LACTB2: variants seen among roughly 807,000 people sequenced by gnomAD.
LACTB2 encodes the protein lactamase beta 2.
A neutral mutation model predicts 34.8 loss-of-function variants in LACTB2; 32 were observed. The observed-to-expected ratio is 0.92, with a 90% CI of 0.69 to 1.24. LACTB2 has a LOEUF of 1.24. LACTB2 is among the 50% of genes most tolerant of loss of function. LACTB2 has a pLI of 0.00. For synonymous variants in LACTB2, 120 were observed against 117.5 expected (o/e 1.02, Z -0.14); for missense variants, 320 against 345.0 (o/e 0.93, Z 0.57).
chr8:70,639,193 CTT>C (rs1394800146), intron 5 of LACTB2, among the ~76,000 whole-genome samples: 18 of 151,620 alleles, frequency 1.2e-4, no homozygotes. Context: ...GAGTTTCACT[CTT>C]GTCACCTAGG....
chr8:70,663,020 T>C (rs1048486214), intron 1 of LACTB2: 4 of 152,220 alleles, frequency 2.6e-5, no homozygotes, highest in Non-Finnish European at 5.9e-5. Flanking sequence ...TCTTCACTCA[T>C]ACTGTTTCAC....
chr8:70,642,558 A>T (rs1818213092), intron 4 of LACTB2, among the ~76,000 whole-genome samples: 2 of 136,228 alleles, frequency 1.5e-5, no homozygotes. Context: ...ATCTCTGCTC[A>T]CTACAACCTC....
intron 1 of LACTB2, among the ~76,000 whole-genome samples, chr8:70,663,746 G>A (rs1586791089): frequency 6.6e-6 from 1 of 152,318 alleles, no homozygotes; most frequent in Admixed American, 6.5e-5. Flanking sequence ...ACTCGGGTCA[G>A]AGTGAGTTCT....
intron 1 of LACTB2, among the ~76,000 whole-genome samples, chr8:70,668,172 C>A (rs1362309516): frequency 3.3e-5 from 5 of 152,150 alleles, no homozygotes; most frequent in African/African-American, 1.2e-4. Flanking sequence ...CTTACTAAAT[C>A]GTTTTTAGTA....
rs767793256 is a variant in LACTB2, at chr8:70,644,141, C to T, written c.516G>A (p.Thr172=). The change falls in exon 4 of 7, where the codon ACG becomes ACA. Residue 172 remains threonine, a synonymous_variant. Coordinates refer to ENST00000276590, the MANE Select transcript of LACTB2 (RefSeq NM_016027.3). ...SGDCILGEGT[T]VFEDLYDYMN... is the part of the protein sequence containing the mutation. The stretch of plus-strand genomic sequence containing the variant: ...TATAATCATAGAGGTCTTCAAATAC[C>T]GTTGTTCCTTCCCCTAGGATGCAAT... 9.9e-6 allele frequency: 16 copies of T among 1,612,600 alleles called. No individual in the cohort carries two copies. Among genetic ancestry groups the T allele is most frequent in the African/African-American group, 5.3e-5 (4 of 74,840 alleles).
intron 3 of LACTB2, among the ~76,000 whole-genome samples, chr8:70,656,416 C>T (rs999584580): frequency 9.2e-5 from 14 of 152,140 alleles, no homozygotes; most frequent in African/African-American, 2.7e-4. Flanking sequence ...CCAATTATCC[C>T]GCCACCATTT....
intron 2 of LACTB2, chr8:70,660,998 T>C (rs1051768378): frequency 7.3e-5 from 33 of 452,032 alleles, no homozygotes; most frequent in African/African-American, 6.2e-4. Context: ...CAAGCTGGTC[T>C]TGAACTCCTG....
rs990900411 is a variant in LACTB2, at chr8:70,668,748, G to GTTTTTTTTTT, written c.122+241_122+250dup. On this transcript the variant is annotated intron_variant, in intron 1 of 6. Transcript: ENST00000276590. ...CAGTAAATCGGGTTTCAAAACAGAA[G>GTTTTTTTTTT]TTTTTTTTTTTTTTTTTTTTTTTTT... 3.0e-4 allele frequency among the ~76,000 whole-genome samples: 31 copies of GTTTTTTTTTT among 103,694 alleles called. 1 individual carries two copies. The highest frequency in any genetic ancestry group is 7.5e-4 in the African/African-American group (18 of 23,890). 68.0% of individuals were successfully genotyped at this position (103,694 alleles called of 152,430 possible). A position where few individuals can be genotyped will look rare whatever the true frequency, so the allele number is the denominator to read the frequency against.
chr8:70,663,980 A>G (rs1191673722), intron 1 of LACTB2, among the ~76,000 whole-genome samples: 1 of 152,200 alleles, frequency 6.6e-6, no homozygotes, highest in Non-Finnish European at 1.5e-5. Context: ...AGCATTGTGC[A>G]TATTTAGTTA....
chr8:70,644,077 T>C lies in LACTB2; in HGVS notation c.580A>G (p.Ile194Val). 2 of 1,568,698 alleles carry C rather than the reference T, an allele frequency of 1.3e-6. No individual in the cohort carries two copies. Among genetic ancestry groups the C allele is most frequent in the Non-Finnish European group, 1.7e-6 (2 of 1,160,796 alleles). Reference sequence around the variant, plus strand: ...AAAAATTACCCACCTGGATATATAATATCAGCTTTGATTTTCAATAACTCT... The same window carrying C: ...AAAAATTACCCACCTGGATATATAACATCAGCTTTGATTTTCAATAACTCT... ...LKELLKIKAD[I>V]IYPGHGPVIH... The change falls in exon 4 of 7, where the codon ATT becomes GTT. Residue 194 changes from isoleucine to valine, a missense_variant. Ile to Val is a conservative substitution (Grantham distance 29, BLOSUM62 3). Transcript: ENST00000276590.
intron 3 of LACTB2, among the ~76,000 whole-genome samples, chr8:70,656,100 T>TATGGG (rs1305170833): frequency 6.6e-6 from 1 of 152,222 alleles, no homozygotes; most frequent in Non-Finnish European, 1.5e-5. Flanking sequence ...GTCAGATGTA[T>TATGGG]AGATTATGAA....
intron 1 of LACTB2, 28 bp downstream of exon 1, chr8:70,668,971 G>A (rs556999197): frequency 4.5e-6 from 7 of 1,564,150 alleles, no homozygotes; most frequent in Middle Eastern, 1.9e-4. Flanking sequence ...GGCTGCGAAC[G>A]TTGGGGAGGT....
At chr8:70,642,338 C>T (rs1006223710) in intron 4 of LACTB2, among the ~76,000 whole-genome samples, 1 of 152,106 alleles carries the variant, frequency 6.6e-6, no homozygotes, top group African/African-American at 2.4e-5. Context: ...GTTTTCTATT[C>T]CCCCAGCAGT....
intron 4 of LACTB2, among the ~76,000 whole-genome samples, chr8:70,642,272 C>T (rs534542244): frequency 1.3e-3 from 195 of 152,260 alleles, no homozygotes; most frequent in African/African-American, 4.5e-3. Context: ...CCAAAGCTAT[C>T]AGCCCGCAAT....
At chr8:70,653,803 C>T (rs1454135691) in intron 3 of LACTB2, 1 of 152,000 alleles carries the variant, frequency 6.6e-6, no homozygotes, top group Non-Finnish European at 1.5e-5. Flanking sequence ...CCCTTCCATG[C>T]TCTTTTCTAC....
intron 1 of LACTB2, 151 bp downstream of exon 1, chr8:70,668,848 T>G (rs372613102): frequency 1.0e-6 from 1 of 981,672 alleles, no homozygotes; most frequent in African/African-American, 1.7e-5. Flanking sequence ...TCCGAGTGTC[T>G]GCGTGCAGTC....
At chr8:70,649,478 C>A (rs1818310454) in intron 3 of LACTB2, among the ~76,000 whole-genome samples, 1 of 152,120 alleles carries the variant, frequency 6.6e-6, no homozygotes, top group Admixed American at 6.5e-5. Flanking sequence ...AAAACAATGA[C>A]TAACTGCAGG....
chr8:70,637,353 CAT>C lies in LACTB2; in HGVS notation c.*505_*506del, dbSNP rs2132065505. ...TGGTATACCAGAATAAGAAAATACA[CAT>C]GATACAGAGTTATGGAACCAATAGA... On this transcript the variant is annotated 3_prime_UTR_variant, in exon 7 of 7. Transcript: ENST00000276590. The C allele has an allele frequency of 6.6e-6, 1 of 152,186 alleles. No individual in the cohort carries two copies. The highest frequency in any genetic ancestry group is 1.9e-4 in the East Asian group (1 of 5,186). 9.4% of individuals were successfully genotyped at this position (152,186 alleles called of 1,614,324 possible).
intron 2 of LACTB2, among the ~76,000 whole-genome samples, chr8:70,658,503 A>G (rs1247681266): frequency 6.6e-6 from 1 of 152,214 alleles, no homozygotes; most frequent in Non-Finnish European, 1.5e-5. Context: ...CAAAGTTCTT[A>G]AAAGCTGTCC....
Sources: allele counts gnomAD v4.1 joint callset (sites outside exome capture counted in the v4.1 genomes callset), GRCh38; gene constraint gnomAD v4.1.1; transcripts MANE v1.5; gene names NCBI Gene and HGNC (gene_info 2026-07-23, HGNC 2026-07-21).